CRB1: variants seen among roughly 807,000 people sequenced by gnomAD.
CRB1 encodes protein crumbs homolog 1.
A neutral mutation model predicts 120.0 loss-of-function variants in CRB1; 83 were observed. The observed-to-expected ratio is 0.69, with a 90% CI of 0.58 to 0.83. The LOEUF is 0.83. Among genes scored for constraint, CRB1 ranks in the 40% least tolerant of loss-of-function variants. CRB1 has a pLI of 0.00. For missense variants in CRB1, 1,699 were observed against 1,687.6 expected (o/e 1.01, Z -0.12); for synonymous variants, 625 against 612.5 (o/e 1.02, Z -0.30).
At chr1:197,223,354 T>A in the CRB1 span, 1 of 530,726 alleles carries the variant, frequency 1.9e-6, no homozygotes, top group Middle Eastern at 5.3e-4. Flanking sequence ...ATACTTTAAA[T>A]TTATTAAAAC....
chr1:197,413,931 C>A (rs1285312912), intron 5 of CRB1: 2 of 456,462 alleles, frequency 4.4e-6, no homozygotes, highest in South Asian at 1.6e-5. Context: ...GGATGGATAC[C>A]TCTTTTTTAA....
chr1:197,391,955 T>C (rs182697389), intron 5 of CRB1, among the ~76,000 whole-genome samples: 1 of 152,070 alleles, frequency 6.6e-6, no homozygotes, highest in Admixed American at 6.6e-5. Context: ...TAGCTGAAAC[T>C]TGGGGGGCCC....
At chr1:197,290,170 A>G (rs1656085385) in intron 1 of CRB1, among the ~76,000 whole-genome samples, 1 of 151,652 alleles carries the variant, frequency 6.6e-6, no homozygotes, top group Admixed American at 6.6e-5. Flanking sequence ...TTGGAACTGC[A>G]TCCTGGTCAT....
the CRB1 span, among the ~76,000 whole-genome samples, chr1:197,260,443 T>A: frequency 6.6e-6 from 1 of 151,944 alleles, no homozygotes; most frequent in Non-Finnish European, 1.5e-5. Flanking sequence ...TTTTAATATA[T>A]GTATTTTAAT....
intron 1 of CRB1, among the ~76,000 whole-genome samples, chr1:197,310,923 A>G (rs978863694): frequency 6.6e-6 from 1 of 152,216 alleles, no homozygotes; most frequent in Admixed American, 6.5e-5. Context: ...ATATTCTCCC[A>G]TGGAGATGAA....
chr1:197,431,546 C>T (rs1360955785), intron 8 of CRB1, among the ~76,000 whole-genome samples: 1 of 152,020 alleles, frequency 6.6e-6, no homozygotes, highest in African/African-American at 2.4e-5. Flanking sequence ...TACCTGGTGT[C>T]CGAATTGTTT....
At chr1:197,338,040 T>C (rs1558063387) in intron 2 of CRB1, among the ~76,000 whole-genome samples, 1 of 151,886 alleles carries the variant, frequency 6.6e-6, no homozygotes, top group Non-Finnish European at 1.5e-5. Flanking sequence ...AATGAGAATG[T>C]TGTAATTTTT....
chr1:197,400,325 TA>T (rs1409214990), intron 5 of CRB1, among the ~76,000 whole-genome samples: 9 of 135,552 alleles, frequency 6.6e-5, no homozygotes, highest in South Asian at 2.4e-4. Flanking sequence ...TTTTTTTTTT[TA>T]AAACAGATAA....
chr1:197,296,601 AC>A (rs1656536219), intron 1 of CRB1, among the ~76,000 whole-genome samples: 1 of 152,002 alleles, frequency 6.6e-6, no homozygotes, highest in Admixed American at 6.6e-5. Flanking sequence ...CGATATTGGA[AC>A]TCCAGGCTTT....
At chr1:197,424,561 G>A (rs1248346160) in intron 6 of CRB1, among the ~76,000 whole-genome samples, 1 of 152,018 alleles carries the variant, frequency 6.6e-6, no homozygotes, top group Non-Finnish European at 1.5e-5. Context: ...GTCTGTATGT[G>A]CTGGATGATA....
chr1:197,472,153 A>C (rs1031661952), intron 11 of CRB1, among the ~76,000 whole-genome samples: 2 of 152,236 alleles, frequency 1.3e-5, no homozygotes, highest in African/African-American at 4.8e-5. Flanking sequence ...AGAAACGCAC[A>C]TATTGAAGCT....
At chr1:197,405,558 C>T (rs1207487448) in intron 5 of CRB1, among the ~76,000 whole-genome samples, 1 of 151,310 alleles carries the variant, frequency 6.6e-6, no homozygotes, top group Non-Finnish European at 1.5e-5. Flanking sequence ...CGTGAGGAAC[C>T]CCTCTGCCTG....
At chr1:197,321,045 G>A (rs1658161154) in intron 1 of CRB1, among the ~76,000 whole-genome samples, 1 of 152,166 alleles carries the variant, frequency 6.6e-6, no homozygotes, top group South Asian at 2.1e-4. Flanking sequence ...TTTCCCTGGT[G>A]TTTTGTGCTC....
intron 1 of CRB1, among the ~76,000 whole-genome samples, chr1:197,311,285 A>C (rs1657503446): frequency 6.6e-6 from 1 of 152,228 alleles, no homozygotes; most frequent in African/African-American, 2.4e-5. Flanking sequence ...ATAAGTCAGA[A>C]AGAGAAATGC....
chr1:197,205,144 A>C, the CRB1 span, among the ~76,000 whole-genome samples: 1 of 152,142 alleles, frequency 6.6e-6, no homozygotes, highest in Admixed American at 6.5e-5. Flanking sequence ...TCATTTATCA[A>C]TTCTAGGAGC....
chr1:197,419,245 T>C (rs1664160129), intron 5 of CRB1, among the ~76,000 whole-genome samples: 1 of 152,140 alleles, frequency 6.6e-6, no homozygotes, highest in Non-Finnish European at 1.5e-5. Flanking sequence ...TTTAAATTTT[T>C]AAAAACACAC....
intron 5 of CRB1, among the ~76,000 whole-genome samples, chr1:197,369,566 A>T (rs1034015438): frequency 3.9e-5 from 6 of 152,204 alleles, no homozygotes; most frequent in Non-Finnish European, 8.8e-5. Context: ...TACTTAGGAA[A>T]CAATTAATTT....
intron 1 of CRB1, among the ~76,000 whole-genome samples, chr1:197,284,184 T>C (rs1259812150): frequency 6.6e-6 from 1 of 151,936 alleles, no homozygotes; most frequent in Non-Finnish European, 1.5e-5. Context: ...AGATTCACAA[T>C]AGACTTCATC....
chr1:197,368,496 G>A (rs2256222), intron 5 of CRB1, among the ~76,000 whole-genome samples: 9,950 of 152,150 alleles, frequency 0.065, 1,146 homozygotes, highest in African/African-American at 0.23. Context: ...GGTATACCAC[G>A]TTATACATAC....
Sources: allele counts gnomAD v4.1 joint callset (sites outside exome capture counted in the v4.1 genomes callset), GRCh38; gene constraint gnomAD v4.1.1; transcripts MANE v1.5; gene names NCBI Gene and HGNC (gene_info 2026-07-23, HGNC 2026-07-21).